Variants in RRP12 observed in about 807,000 individuals in gnomAD.
RRP12 encodes the protein RRP12-like protein.
In RRP12, 78 loss-of-function variants were observed where a neutral mutation model predicts 157.3. The ratio of observed to expected loss-of-function variants is 0.50; its 90% CI spans 0.41 to 0.60. The LOEUF (loss-of-function observed/expected upper bound fraction) is 0.60, where lower values mean the gene tolerates loss of function less well. Ranked by LOEUF, RRP12 falls within the 20% of genes least tolerant of loss-of-function variation. The pLI is 0.00. For synonymous variants in RRP12, 726 were observed against 670.9 expected, an observed-to-expected ratio of 1.08 and a Z score of -1.27; for missense variants, 1,521 against 1,679.9, an observed-to-expected ratio of 0.91 and a Z score of 1.65.
In RRP12 at chr10:97,364,391, A is replaced by G. The variant is rs1843919076; in HGVS notation, c.3518-488T>C. 2.0e-5 allele frequency among the ~76,000 whole-genome samples: 3 copies of G among 152,174 alleles called. No homozygotes were observed. In the South Asian group the frequency reaches 6.2e-4, roughly 32 times the overall value. ...GACCAATTGGAGGGAAGAGAAACTCAGGCAAAGTCAATCAACAACCAAAAG... is the reference window on the plus strand; with the variant it reads ...GACCAATTGGAGGGAAGAGAAACTCGGGCAAAGTCAATCAACAACCAAAAG... On this transcript the variant is annotated intron_variant, in intron 29 of 33. Transcript: ENST00000370992.
intron 2 of RRP12, among the ~76,000 whole-genome samples, chr10:97,396,516 C>A (rs11189200): frequency 6.6e-6 from 1 of 151,918 alleles, no homozygotes; most frequent in African/African-American, 2.4e-5. Flanking sequence ...TACTAACCTT[C>A]TAGAAATACC....
In RRP12 at chr10:97,373,652, G is replaced by A; in HGVS notation, c.1949C>T (p.Ala650Val). 6.2e-7 allele frequency: 1 copy of A among 1,613,846 alleles called. No homozygotes were observed. Among genetic ancestry groups the A allele is most frequent in the Non-Finnish European group, 8.5e-7 (1 of 1,179,926 alleles). ...FKGLARTLGM[A>V]ISERPDLRVT... Reference sequence around the variant, plus strand: ...CCTCAGGTCTGGACGCTCGCTGATGGCCATGCCCAGCGTCCGTGCCAGCCC... The same window carrying A: ...CCTCAGGTCTGGACGCTCGCTGATGACCATGCCCAGCGTCCGTGCCAGCCC... Residue 650 changes from alanine to valine, a missense_variant, in exon 17 of 34, where the codon GCC (alanine) becomes GTC (valine). Coordinates refer to ENST00000370992, the MANE Select transcript of RRP12 (RefSeq NM_015179.4).
chr10:97,366,309 C>G (rs1396345337), intron 28 of RRP12, 76 bp from the exon 29 acceptor site: 2 of 1,581,526 alleles, frequency 1.3e-6, no homozygotes, highest in Non-Finnish European at 1.7e-6. Flanking sequence ...CCAACAAGCC[C>G]GGCTCAGGGA....
intron 30 of RRP12, among the ~76,000 whole-genome samples, chr10:97,362,822 C>T (rs116279920): frequency 2.0e-3 from 301 of 152,324 alleles, no homozygotes; most frequent in African/African-American, 7.1e-3. Context: ...TAATAACAAA[C>T]TCCTCCTCGG....
intron 9 of RRP12, among the ~76,000 whole-genome samples, 195 bp downstream of exon 9, chr10:97,385,700 G>T (rs1844612483): frequency 6.6e-6 from 1 of 152,144 alleles, no homozygotes; most frequent in Non-Finnish European, 1.5e-5. Flanking sequence ...CAAGGTCCCA[G>T]CTCCTGGGGA....
At position 97,384,597 on chromosome 10, in the gene RRP12, C is replaced by A. The variant is rs192679975; in HGVS notation, c.1208+569G>T. On this transcript the variant is annotated intron_variant, in intron 10 of 33. Coordinates refer to ENST00000370992, the MANE Select transcript of RRP12 (RefSeq NM_015179.4). ...GGACGGAGACCCTGAGGACCCCCAA[C>A]CTCGGCAGCCAGGACGGAGACCCTG... 2.0e-5 allele frequency among the ~76,000 whole-genome samples: 3 copies of A among 150,376 alleles called. No individual in the cohort carries two copies. The East Asian group carries it at 5.9e-4, about 30-fold the overall frequency.
intron 10 of RRP12, among the ~76,000 whole-genome samples, chr10:97,383,821 G>C (rs551215358): frequency 6.6e-6 from 1 of 152,338 alleles, no homozygotes; most frequent in African/African-American, 2.4e-5. Flanking sequence ...GGAAGACACA[G>C]CCAGGGAGCG....
chr10:97,396,362 T>C, intron 2 of RRP12, 61 bp from the exon 3 acceptor site: 1 of 1,298,972 alleles, frequency 7.7e-7, no homozygotes, highest in Non-Finnish European at 1.1e-6. Context: ...CAGGGGAACC[T>C]CCTTTCCTTG....
intron 31 of RRP12, 48 bp from the exon 32 acceptor site, chr10:97,359,058 C>G (rs1269052210): frequency 6.6e-7 from 1 of 1,524,258 alleles, no homozygotes; most frequent in African/African-American, 1.4e-5. Flanking sequence ...CAGGGCAGCC[C>G]CCTCCAGAAA....
At chr10:97,365,781 AAG>A in intron 29 of RRP12, 1 of 252,456 alleles carries the variant, frequency 4.0e-6, no homozygotes, top group Non-Finnish European at 7.6e-6. Context: ...AAAAAAAAAA[AAG>A]AGGAAGGAAG....
chr10:97,396,243 G>A lies in RRP12; in HGVS notation c.428C>T (p.Thr143Met), dbSNP rs559101512. 3.3e-5 allele frequency: 54 copies of A among 1,613,406 alleles called. No individual in the cohort carries two copies. The highest frequency in any genetic ancestry group is 3.2e-4 in the South Asian group (29 of 91,070). Residue 143 changes from threonine to methionine, a missense_variant, in exon 3 of 34, where the codon ACG (threonine) becomes ATG (methionine). Transcript: ENST00000370992. ...CAGAGCAGCGAAGTACTCAGTCTCC[G>A]TCTCCTTCCCTCCCTGGGAGCGAAT... Reference protein sequence around the residue: ...EVIRSQGGKETETEYFAALMT... With the variant: ...EVIRSQGGKEMETEYFAALMT...
In RRP12 at chr10:97,380,789, C is replaced by A. The variant is rs371730522; in HGVS notation, c.1533+10G>T. On this transcript the variant is annotated intron_variant, in intron 13 of 33. Coordinates refer to ENST00000370992, the MANE Select transcript of RRP12 (RefSeq NM_015179.4). Reference sequence around the variant, plus strand: ...ACTTCCTGCCCTGGCCCCAGCCGCTCCCCACTCACCTTCCTCATCACAGGG... The same window carrying A: ...ACTTCCTGCCCTGGCCCCAGCCGCTACCCACTCACCTTCCTCATCACAGGG... 13 of 1,603,242 alleles carry A rather than the reference C, an allele frequency of 8.1e-6. No homozygotes were observed. The Middle Eastern group carries it at 5.0e-4, about 61-fold the overall frequency.
At chr10:97,366,274 C>A (rs373541653) in intron 28 of RRP12, 41 bp from the exon 29 acceptor site, 86 of 1,605,840 alleles carry the variant, frequency 5.4e-5, no homozygotes, top group Admixed American at 6.7e-5. Context: ...GAAGGCCAGT[C>A]CCATGCTACT....
At chr10:97,382,320 T>C (rs184293148) in intron 10 of RRP12, among the ~76,000 whole-genome samples, 7 of 152,250 alleles carry the variant, frequency 4.6e-5, no homozygotes, top group Middle Eastern at 3.4e-3. Flanking sequence ...AATCTTTTTA[T>C]TTTTTGTAGA....
At chr10:97,368,366 C>T (rs1272220719) in intron 25 of RRP12, among the ~76,000 whole-genome samples, 2 of 147,560 alleles carry the variant, frequency 1.4e-5, no homozygotes, top group African/African-American at 2.5e-5. Flanking sequence ...TCTATAAATC[C>T]CTTTTTTTTG....
chr10:97,400,511 C>T lies in RRP12; in HGVS notation c.163G>A (p.Ala55Thr). 1 of 1,613,956 alleles carries T rather than the reference C, an allele frequency of 6.2e-7. No homozygotes were observed. The highest frequency in any genetic ancestry group is 8.5e-7 in the Non-Finnish European group (1 of 1,179,984). The change falls in exon 2 of 34, where the codon GCT (alanine) becomes ACT (threonine). Residue 55 changes from alanine (A) to threonine (T), a missense_variant. Physicochemically the swap from Ala to Thr is moderately conservative, Grantham distance 58. Coordinates refer to ENST00000370992, the MANE Select transcript of RRP12 (RefSeq NM_015179.4). ...TGCAGCTCATTATGTAACTTCACAG[C>T]ATCGACTGTCAGGTCACTCCTTCCT... ...PSGRSDLTVDAVKLHNELQSG... is the reference protein window; with the variant it reads ...PSGRSDLTVDTVKLHNELQSG...
At chr10:97,385,113 C>A in intron 10 of RRP12, 53 bp downstream of exon 10, 3 of 1,239,718 alleles carry the variant, frequency 2.4e-6, no homozygotes, top group Admixed American at 1.8e-5. Flanking sequence ...CCCTGAGCAC[C>A]CCCACCTCAA....
At chr10:97,386,263 A>AT (rs60314380) in intron 8 of RRP12, among the ~76,000 whole-genome samples, 4,793 of 138,896 alleles carry the variant, frequency 0.035, 204 homozygotes, top group African/African-American at 0.1. Context: ...TTACAGCTGT[A>AT]TTTTTTTTTT....
Position 97,360,614 on chromosome 10 carries a change from T to G in RRP12, c.3572A>C (p.Lys1191Thr). The change falls in exon 31 of 34, where the codon AAG becomes ACG. Residue 1191 changes from lysine to threonine, a missense_variant. Coordinates refer to ENST00000370992, the MANE Select transcript of RRP12 (RefSeq NM_015179.4). ...PMEDVIIRNK[K>T]HQKLKHQKEA... The stretch of plus-strand genomic sequence containing the variant: ...TTTCTGGTGCTTGAGCTTCTGGTGC[T>G]TTTTCTATAGAGAGAGAATAGGTGG... The G allele has an allele frequency of 1.9e-6, 3 of 1,613,412 alleles. No homozygotes were observed. Among genetic ancestry groups the G allele is most frequent in the Non-Finnish European group, 2.5e-6 (3 of 1,179,414 alleles).
Sources: gnomAD v4.1 joint callset for allele counts (sites outside exome capture counted in the v4.1 genomes callset) on GRCh38, gnomAD v4.1.1 for gene constraint, MANE v1.5 for transcripts, NCBI Gene and HGNC (gene_info 2026-07-23, HGNC 2026-07-21) for gene names.